The following STRIP2 variants were observed in gnomAD, a reference collection of about 807,000 sequenced individuals.
The protein encoded by STRIP2 is striatin-interacting protein 2.
STRIP2 carries 84 observed loss-of-function variants against 107.1 expected under a neutral mutation model. That is an observed-to-expected ratio of 0.78 (90% CI 0.66 to 0.94). The LOEUF is 0.94. Ranked by LOEUF, STRIP2 falls within the 40% of genes least tolerant of loss-of-function variation. The probability of loss-of-function intolerance (pLI) is 0.00; values close to 1 mark genes in which losing one functional copy is unlikely to be tolerated. For synonymous variants in STRIP2, 394 were observed against 400.4 expected (o/e 0.98, Z 0.19); for missense variants, 888 against 1,034.2 (o/e 0.86, Z 1.94).
chr7:129,449,943 C>T (rs1218821473), intron 3 of STRIP2, among the ~76,000 whole-genome samples: 2 of 152,194 alleles, frequency 1.3e-5, no homozygotes, highest in African/African-American at 4.8e-5. Context: ...AACCAACCAG[C>T]TTCCTTATGT....
chr7:129,440,045 GGAGTTT>G lies in STRIP2; in HGVS notation c.158_163del (p.Phe53_Glu54del). 5 of 1,614,148 alleles carry G rather than the reference GGAGTTT, an allele frequency of 3.1e-6. No individual in the cohort carries two copies. Among genetic ancestry groups the G allele is most frequent in the Non-Finnish European group, 4.2e-6 (5 of 1,179,998 alleles). Reference sequence around the variant, plus strand: ...AGGGCTCTGTGGACTGTCCCACTCTGGAGTTTGAGTATGGAGATGCAGATGGGCATG... The same window carrying G: ...AGGGCTCTGTGGACTGTCCCACTCTGGAGTATGGAGATGCAGATGGGCATG... On this transcript the variant is annotated inframe_deletion, in exon 2 of 21. Transcript: ENST00000249344.
intron 9 of STRIP2, among the ~76,000 whole-genome samples, chr7:129,457,021 T>C (rs924564850): frequency 6.6e-6 from 1 of 152,088 alleles, no homozygotes; most frequent in Admixed American, 6.5e-5. Flanking sequence ...GGGTAAGGCA[T>C]TTTACTATTT....
rs987672025 is a variant in STRIP2 at position 129,461,619 on chromosome 7, A to T, written c.1476+1247A>T. 2.0e-5 allele frequency among the ~76,000 whole-genome samples: 3 copies of T among 152,264 alleles called. No homozygotes were observed. The highest frequency in any genetic ancestry group is 1.3e-4 in the Admixed American group (2 of 15,292). ...TAAAATGCTACTAATAAGTGGCATT[A>T]TGGTAAGAACCAAGGTGCCCATTGG... is the stretch of plus-strand genomic sequence containing the variant. On this transcript the variant is annotated intron_variant, in intron 13 of 20. Transcript: ENST00000249344. The surrounding 1 kb of genome is among the most constrained non-coding windows in gnomAD (Gnocchi z 4.0).
At position 129,467,458 on chromosome 7, in the gene STRIP2, C is replaced by G. The variant is rs954576112; in HGVS notation, c.1877+8C>G. 6.2e-7 allele frequency: 1 copy of G among 1,602,168 alleles called. No individual in the cohort carries two copies. Among genetic ancestry groups the G allele is most frequent in the Non-Finnish European group, 8.5e-7 (1 of 1,170,952 alleles). ...CATCACTGCCAAAAACAGGTATGAA[C>G]TCTGGACAGGTTTATTTCAAGGGGC... On this transcript the variant is annotated splice_region_variant and intron_variant, in intron 17 of 20. Transcript: ENST00000249344.
chr7:129,443,213 A>C (rs1797948365), intron 2 of STRIP2, among the ~76,000 whole-genome samples: 1 of 151,704 alleles, frequency 6.6e-6, no homozygotes, highest in Non-Finnish European at 1.5e-5. Context: ...CTAATGTTTA[A>C]ATTTTTTGTA....
intron 8 of STRIP2, 25 bp downstream of exon 8, chr7:129,455,396 A>G (rs1798318635): frequency 6.2e-7 from 1 of 1,606,928 alleles, no homozygotes; most frequent in South Asian, 1.1e-5. Context: ...CCACTCCCAC[A>G]TTATCAGATC....
Position 129,477,054 on chromosome 7 carries a change from A to C in STRIP2, c.1945-3731A>C, listed in dbSNP as rs1411845650. ...GTCAGGCGTGGCGGCGCGCGCCTGC[A>C]ATCGCAGGCACTCGGCAGGCTGAGG... On this transcript the variant is annotated intron_variant, in intron 18 of 20. Transcript: ENST00000249344. Among the ~76,000 whole-genome samples, 9 of 151,608 alleles carry C rather than the reference A, an allele frequency of 5.9e-5. No homozygotes were observed. In the East Asian group the frequency reaches 1.7e-3, roughly 29 times the overall value.
At chr7:129,452,055 G>A (rs1250841814) in intron 4 of STRIP2, among the ~76,000 whole-genome samples, 2 of 152,166 alleles carry the variant, frequency 1.3e-5, no homozygotes, top group African/African-American at 4.8e-5. Context: ...GGCCAGAGCT[G>A]ATATGTACCA....
Position 129,487,595 on chromosome 7 carries a change from T to G in STRIP2, c.*1766T>G, listed in dbSNP as rs1189090908. The G allele has an allele frequency of 1.3e-5, 2 of 152,210 alleles. No individual in the cohort carries two copies. Among genetic ancestry groups the G allele is most frequent in the Non-Finnish European group, 2.9e-5 (2 of 68,038 alleles). 9.4% of individuals were successfully genotyped at this position (152,210 alleles called of 1,614,324 possible). A position where few individuals can be genotyped will look rare whatever the true frequency, so the allele number is the denominator to read the frequency against. On this transcript the variant is annotated 3_prime_UTR_variant, in exon 21 of 21. Transcript: ENST00000249344. The stretch of plus-strand genomic sequence containing the variant: ...GTCTCTATGGATAGGTCTTGGAGAA[T>G]GTTAAGTAATGGATGAAACTTTTTA...
Position 129,487,066 on chromosome 7 carries a change from T to C in STRIP2, c.*1237T>C, listed in dbSNP as rs1799259712. 1 of 126,756 alleles carries C rather than the reference T, an allele frequency of 7.9e-6. No homozygotes were observed. The highest frequency in any genetic ancestry group is 1.1e-4 in the Admixed American group (1 of 9,292). 7.9% of individuals were successfully genotyped at this position (126,756 alleles called of 1,614,324 possible). A position where few individuals can be genotyped will look rare whatever the true frequency, so the allele number is the denominator to read the frequency against. ...TTCGCTCTTGTTGCCCAAGCTGGAG[T>C]GCAATGGCACGATCTCGGCTCACTG... On this transcript the variant is annotated 3_prime_UTR_variant, in exon 21 of 21. Coordinates refer to ENST00000249344, the MANE Select transcript of STRIP2 (RefSeq NM_020704.3).
chr7:129,443,646 G>T (rs1216817386), intron 2 of STRIP2, among the ~76,000 whole-genome samples: 1 of 152,222 alleles, frequency 6.6e-6, no homozygotes, highest in Non-Finnish European at 1.5e-5. Flanking sequence ...TTCAGGAGTT[G>T]TGTTGCCCTC....
chr7:129,467,271 T>G, intron 16 of STRIP2, 79 bp from the exon 17 acceptor site: 1 of 1,010,384 alleles, frequency 9.9e-7, no homozygotes, highest in Non-Finnish European at 1.5e-6. Flanking sequence ...ATTAGATTTG[T>G]ATTTCCTCTC....
At chr7:129,448,057 C>T (rs373633354) in intron 3 of STRIP2, among the ~76,000 whole-genome samples, 8 of 152,258 alleles carry the variant, frequency 5.3e-5, no homozygotes, top group South Asian at 4.1e-4. Flanking sequence ...ACCATAGTAA[C>T]GCTCACCCTA....
rs754595296 is a variant in STRIP2, at chr7:129,440,027, T to C, written c.135T>C (p.Ser45=). Reference sequence around the variant, plus strand: ...ACAAAATTTCTCTGTTACAGGGCTCTGTGGACTGTCCCACTCTGGAGTTTG... The same window carrying C: ...ACAAAATTTCTCTGTTACAGGGCTCCGTGGACTGTCCCACTCTGGAGTTTG... ...FRSQRRESEG[S]VDCPTLEFEY... is the part of the protein sequence containing the mutation. The change falls in exon 2 of 21, where the codon TCT becomes TCC. Residue 45 remains serine (S), a synonymous_variant. Coordinates refer to ENST00000249344, the MANE Select transcript of STRIP2 (RefSeq NM_020704.3). 1.8e-5 allele frequency: 29 copies of C among 1,614,138 alleles called. 1 individual carries two copies. In the South Asian group the frequency reaches 2.6e-4, roughly 15 times the overall value.
chr7:129,455,110 C>T, intron 7 of STRIP2, 134 bp from the exon 8 acceptor site: 1 of 1,151,946 alleles, frequency 8.7e-7, no homozygotes, highest in Admixed American at 2.6e-5. Context: ...AAGCCTCCTT[C>T]TCAGGACCAA....
chr7:129,474,593 T>G (rs1322359760), intron 18 of STRIP2, among the ~76,000 whole-genome samples: 1 of 152,092 alleles, frequency 6.6e-6, no homozygotes, highest in East Asian at 1.9e-4. Context: ...CACTGCAGCC[T>G]CCACCTCCCA....
chr7:129,487,181 T>C lies in STRIP2; in HGVS notation c.*1352T>C, dbSNP rs1025222471. Reference sequence around the variant, plus strand: ...GGCACGCACCACCATGCCTGGCTAATTTTTTGTATTTTTAGTAGAAACAGG... The same window carrying C: ...GGCACGCACCACCATGCCTGGCTAACTTTTTGTATTTTTAGTAGAAACAGG... On this transcript the variant is annotated 3_prime_UTR_variant, in exon 21 of 21. Transcript: ENST00000249344. 6.6e-6 allele frequency: 1 copy of C among 152,028 alleles called. No homozygotes were observed. The highest frequency in any genetic ancestry group is 1.5e-5 in the Non-Finnish European group (1 of 68,044). 9.4% of individuals were successfully genotyped at this position (152,028 alleles called of 1,614,324 possible).
Position 129,467,390 on chromosome 7 carries a change from TC to T in STRIP2, c.1821del (p.Leu608Ter). On this transcript the variant is annotated frameshift_variant, in exon 17 of 21. Coordinates refer to ENST00000249344, the MANE Select transcript of STRIP2 (RefSeq NM_020704.3). LOFTEE classifies it high-confidence loss of function. ...VSQHLVFANC[I>X]PLILKFFNQN... ...CAACATTTGGTATTTGCCAACTGCA[TC>T]CCCTTGATCCTGAAGTTCTTCAATC... 6.2e-7 allele frequency: 1 copy of T among 1,613,860 alleles called. No individual in the cohort carries two copies. The highest frequency in any genetic ancestry group is 8.5e-7 in the Non-Finnish European group (1 of 1,179,864).
rs77452091 is a variant in STRIP2 at position 129,454,706 on chromosome 7, G to A, written c.706+179G>A. ...GGCACAAGGGCTGGGCTTGATTGCCGCCCTGTATCTATGAGCTAAGACCAG... is the reference window on the plus strand; with the variant it reads ...GGCACAAGGGCTGGGCTTGATTGCCACCCTGTATCTATGAGCTAAGACCAG... On this transcript the variant is annotated intron_variant, in intron 7 of 20. Transcript: ENST00000249344. 6.7e-3 allele frequency among the ~76,000 whole-genome samples: 1,023 copies of A among 152,216 alleles called. 12 individuals carry two copies. The highest frequency in any genetic ancestry group is 0.023 in the African/African-American group (967 of 41,534).
Sources: gnomAD v4.1 joint callset for allele counts (sites outside exome capture counted in the v4.1 genomes callset) on GRCh38, gnomAD v4.1.1 for gene constraint, Gnocchi (gnomAD v3.1) non-coding constraint, MANE v1.5 for transcripts, NCBI Gene and HGNC (gene_info 2026-07-23, HGNC 2026-07-21) for gene names.